NBEA: variants seen among roughly 807,000 people sequenced by gnomAD.
The protein encoded by NBEA is neurobeachin, also known as lysosomal-trafficking regulator 2.
NBEA carries 44 observed loss-of-function variants against 343.4 expected under a neutral mutation model. The observed-to-expected ratio is 0.13, with a 90% CI of 0.10 to 0.16. The LOEUF (loss-of-function observed/expected upper bound fraction) is 0.16, where lower values mean the gene tolerates loss of function less well. Ranked by LOEUF, NBEA falls within the 10% of genes least tolerant of loss-of-function variation. The pLI, the probability that NBEA is intolerant of heterozygous loss-of-function variation, is 1.00. For missense variants in NBEA, 2,555 were observed against 3,631.3 expected (o/e 0.70, Z 7.62); for synonymous variants, 1,175 against 1,238.7 (o/e 0.95, Z 1.08).
chr13:34,996,042 A>C (rs1189848790), intron 1 of NBEA, among the ~76,000 whole-genome samples: 1 of 152,218 alleles, frequency 6.6e-6, no homozygotes. Context: ...GTGAAATTAA[A>C]TGACTTACCC....
chr13:35,232,110 A>G (rs2075007629), intron 33 of NBEA, among the ~76,000 whole-genome samples: 1 of 152,154 alleles, frequency 6.6e-6, no homozygotes, highest in African/African-American at 2.4e-5. Context: ...GAGAGCAAGA[A>G]TTAAATTATT....
At chr13:35,359,846 G>C (rs906576972) in intron 38 of NBEA, among the ~76,000 whole-genome samples, 1 of 151,672 alleles carries the variant, frequency 6.6e-6, no homozygotes, top group African/African-American at 2.4e-5. Context: ...GTGTGTGTGT[G>C]TGTGTGTGTG....
At chr13:35,110,234 C>CA (rs1424365634) in intron 12 of NBEA, among the ~76,000 whole-genome samples, 1 of 140,548 alleles carries the variant, frequency 7.1e-6, no homozygotes, top group Non-Finnish European at 1.5e-5. Context: ...TTTATGCAGC[C>CA]AAAAAACACA....
chr13:34,973,840 T>A (rs534580641), intron 1 of NBEA, among the ~76,000 whole-genome samples: 2 of 152,178 alleles, frequency 1.3e-5, no homozygotes, highest in Admixed American at 1.3e-4. Context: ...CCCAGGGGTA[T>A]GTACGGAAGT....
Position 35,511,145 on chromosome 13 carries a change from T to G in NBEA, c.6585+38609T>G, listed in dbSNP as rs145482848. 2.1e-3 allele frequency among the ~76,000 whole-genome samples: 313 copies of G among 152,258 alleles called. 1 individual carries two copies. The highest frequency in any genetic ancestry group is 7.1e-3 in the African/African-American group (293 of 41,550). On this transcript the variant is annotated intron_variant, in intron 41 of 58. Transcript: ENST00000379939. ...CCCAAGTAAAAACTCAAATAAATAC[T>G]CAAGTAAAAGCTTGGGCTATTCCTG... is the stretch of plus-strand genomic sequence containing the variant.
At chr13:35,448,800 T>A (rs2874835) in intron 39 of NBEA, among the ~76,000 whole-genome samples, 1 of 53,258 alleles carries the variant, frequency 1.9e-5, no homozygotes, top group African/African-American at 3.4e-5. Flanking sequence ...GTTCAGCACA[T>A]GTTTGTGGCA....
intron 36 of NBEA, among the ~76,000 whole-genome samples, chr13:35,325,598 A>G (rs537679469): frequency 3.9e-5 from 6 of 152,154 alleles, no homozygotes; most frequent in East Asian, 1.9e-4. Flanking sequence ...AGGTGCAATA[A>G]TTTTTAACAA....
intron 44 of NBEA, among the ~76,000 whole-genome samples, chr13:35,561,243 A>G (rs1448172859): frequency 1.3e-5 from 2 of 152,160 alleles, no homozygotes; most frequent in African/African-American, 4.8e-5. Flanking sequence ...TAAGTTACTT[A>G]ATATTTATTT....
chr13:35,400,777 C>G (rs905927297), intron 38 of NBEA, among the ~76,000 whole-genome samples: 1 of 151,880 alleles, frequency 6.6e-6, no homozygotes, highest in Admixed American at 6.6e-5. Flanking sequence ...CTATCACAAT[C>G]TCAAGCAAAA....
At chr13:35,267,749 C>T (rs1466960965) in intron 34 of NBEA, among the ~76,000 whole-genome samples, 1 of 150,972 alleles carries the variant, frequency 6.6e-6, no homozygotes, top group African/African-American at 2.4e-5. Flanking sequence ...AAAAGATATT[C>T]AGCATCACTA....
intron 1 of NBEA, among the ~76,000 whole-genome samples, chr13:34,993,542 A>T (rs2060834082): frequency 6.6e-6 from 1 of 152,218 alleles, no homozygotes; most frequent in South Asian, 2.1e-4. Flanking sequence ...GTAAGGAATA[A>T]ACTGCCAAAG....
intron 1 of NBEA, among the ~76,000 whole-genome samples, chr13:34,951,336 A>G (rs2059343649): frequency 1.3e-5 from 2 of 152,226 alleles, no homozygotes; most frequent in Admixed American, 1.3e-4. Flanking sequence ...TGGGATTTCA[A>G]CCTTATAAGA....
chr13:35,368,949 A>G (rs990350787), intron 38 of NBEA, among the ~76,000 whole-genome samples: 2 of 151,866 alleles, frequency 1.3e-5, no homozygotes, highest in Middle Eastern at 3.4e-3. Flanking sequence ...CCTCTATTCT[A>G]GCCTCTGACC....
rs111740857 is a variant in NBEA at position 35,442,969 on chromosome 13, G to T, written c.6305-9123G>T. 2.8e-3 allele frequency among the ~76,000 whole-genome samples: 427 copies of T among 152,154 alleles called. 1 individual carries two copies. The highest frequency in any genetic ancestry group is 9.8e-3 in the African/African-American group (406 of 41,560). On this transcript the variant is annotated intron_variant, in intron 39 of 58. Coordinates refer to ENST00000379939, the MANE Select transcript of NBEA (RefSeq NM_001385012.1). ...ACGTTAGTATTGATCCAATTCTTTT[G>T]CTTGCAAGTATCCTTGATGTCCTTT...
chr13:35,435,077 G>A (rs909694290), intron 39 of NBEA, among the ~76,000 whole-genome samples: 2 of 152,154 alleles, frequency 1.3e-5, no homozygotes, highest in Admixed American at 6.5e-5. Flanking sequence ...TGCCCAGGCT[G>A]GAGTGCAATG....
rs569823218 is a variant in NBEA, at chr13:35,410,640, C to A, written c.6180-21629C>A. 3.3e-5 allele frequency among the ~76,000 whole-genome samples: 5 copies of A among 152,182 alleles called. No individual in the cohort carries two copies. The South Asian group carries it at 1.0e-3, about 32-fold the overall frequency. ...GTTCAGGACACTTTTGTAAGTGATA[C>A]CAGCCATTTAGTCCATCCCTAAAGA... On this transcript the variant is annotated intron_variant, in intron 38 of 58. Transcript: ENST00000379939.
At chr13:35,545,051 A>G (rs1278089330) in intron 41 of NBEA, among the ~76,000 whole-genome samples, 1 of 152,222 alleles carries the variant, frequency 6.6e-6, no homozygotes, top group Non-Finnish European at 1.5e-5. Context: ...ATCTTGGACT[A>G]TAATAAAAAG....
chr13:34,954,879 G>A (rs577468521), intron 1 of NBEA, among the ~76,000 whole-genome samples: 46 of 152,182 alleles, frequency 3.0e-4, no homozygotes, highest in African/African-American at 8.2e-4. Flanking sequence ...AAATATTTTC[G>A]ATCCCCTATT....
chr13:35,452,418 T>C (rs910021193), intron 40 of NBEA, among the ~76,000 whole-genome samples, 183 bp downstream of exon 40: 2 of 152,192 alleles, frequency 1.3e-5, no homozygotes, highest in African/African-American at 4.8e-5. Flanking sequence ...GAAATGTGTA[T>C]TTTATTGGCA....
Sources: allele counts gnomAD v4.1 joint callset (sites outside exome capture counted in the v4.1 genomes callset), GRCh38; gene constraint gnomAD v4.1.1; transcripts MANE v1.5; gene names NCBI Gene and HGNC (gene_info 2026-07-23, HGNC 2026-07-21).